The following SLC7A1 variants were observed in gnomAD, a reference collection of about 807,000 sequenced individuals.
The protein encoded by SLC7A1 is high affinity cationic amino acid transporter 1.
SLC7A1 carries 10 observed loss-of-function variants against 53.9 expected under a neutral mutation model. The ratio of observed to expected loss-of-function variants is 0.19; its 90% CI spans 0.11 to 0.31. SLC7A1 has a LOEUF of 0.31. Among genes scored for constraint, SLC7A1 ranks in the 10% least tolerant of loss-of-function variants. SLC7A1 has a pLI of 1.00. For synonymous variants in SLC7A1, 342 were observed against 338.7 expected (o/e 1.01, Z -0.11); for missense variants, 525 against 827.2 (o/e 0.63, Z 4.48).
At chr13:29,515,441 GC>G (rs1409799541) in intron 12 of SLC7A1, among the ~76,000 whole-genome samples, 1 of 152,256 alleles carries the variant, frequency 6.6e-6, no homozygotes, top group Admixed American at 6.5e-5. Context: ...TGGAGGAAAA[GC>G]ACCCCTCGAG....
In SLC7A1 at chr13:29,514,064, T is replaced by A. The variant is rs1345735171; in HGVS notation, c.*416A>T. 5.5e-6 allele frequency: 1 copy of A among 183,426 alleles called. No homozygotes were observed. Among genetic ancestry groups the A allele is most frequent in the Non-Finnish European group, 1.1e-5 (1 of 87,148 alleles). The allele number at this position is 183,426 out of a possible 1,614,324, so 11.4% of individuals were successfully genotyped here. A position where few individuals can be genotyped will look rare whatever the true frequency, so the allele number is the denominator to read the frequency against. ...GGGTGTCTGGGGCTGAGCGGGAAGA[T>A]GGCTGCGAAAGTTTGGAGTATGCAC... On this transcript the variant is annotated 3_prime_UTR_variant, in exon 13 of 13. Coordinates refer to ENST00000380752, the MANE Select transcript of SLC7A1 (RefSeq NM_003045.5).
At chr13:29,586,489 G>T (rs1453864605) in intron 1 of SLC7A1, among the ~76,000 whole-genome samples, 1 of 152,122 alleles carries the variant, frequency 6.6e-6, no homozygotes. Flanking sequence ...GCACCCAGAT[G>T]GTTTCACTTT....
intron 2 of SLC7A1, among the ~76,000 whole-genome samples, chr13:29,546,965 A>C (rs1869947966): frequency 1.3e-5 from 2 of 152,208 alleles, no homozygotes; most frequent in South Asian, 4.1e-4. Flanking sequence ...AAGAGCGCGG[A>C]GTGTAGCTGG....
intron 3 of SLC7A1, among the ~76,000 whole-genome samples, chr13:29,533,388 T>C (rs1869263629): frequency 6.6e-6 from 1 of 152,198 alleles, no homozygotes; most frequent in African/African-American, 2.4e-5. Context: ...AATGCACTCC[T>C]GGGGTGCAGC....
chr13:29,563,347 T>A (rs1870840797), intron 1 of SLC7A1, among the ~76,000 whole-genome samples: 1 of 152,254 alleles, frequency 6.6e-6, no homozygotes, highest in Non-Finnish European at 1.5e-5. Flanking sequence ...GGCAAAATGT[T>A]CTACAAATTT....
intron 9 of SLC7A1, among the ~76,000 whole-genome samples, chr13:29,518,400 A>G (rs998271103): frequency 3.3e-5 from 5 of 152,248 alleles, no homozygotes; most frequent in Non-Finnish European, 7.3e-5. Flanking sequence ...GAGGTGCCTT[A>G]TCTTCCCACC....
In SLC7A1 at chr13:29,514,123, G is replaced by A. The variant is rs867038013; in HGVS notation, c.*357C>T. 2 of 264,622 alleles carry A rather than the reference G, an allele frequency of 7.6e-6. No homozygotes were observed. Among genetic ancestry groups the A allele is most frequent in the East Asian group, 1.7e-4 (2 of 12,016 alleles). The allele number at this position is 264,622 out of a possible 1,614,324, so 16.4% of individuals were successfully genotyped here. On this transcript the variant is annotated 3_prime_UTR_variant, in exon 13 of 13. Coordinates refer to ENST00000380752, the MANE Select transcript of SLC7A1 (RefSeq NM_003045.5). ...TCCCAGAACAGTCCCCGGGAGGAAG[G>A]CCTGGTTCCCAAGATAAGGAGAGAA...
chr13:29,532,168 T>C (rs560053478), intron 4 of SLC7A1, among the ~76,000 whole-genome samples: 1 of 152,342 alleles, frequency 6.6e-6, no homozygotes, highest in Non-Finnish European at 1.5e-5. Context: ...TGAGAATTTA[T>C]CTGCATTTCA....
chr13:29,544,879 G>GT (rs1284123984), intron 2 of SLC7A1, among the ~76,000 whole-genome samples: 1 of 140,912 alleles, frequency 7.1e-6, no homozygotes, highest in African/African-American at 2.6e-5. Flanking sequence ...GGGGGGGGGG[G>GT]CAAGCTCTTC....
At position 29,521,188 on chromosome 13, in the gene SLC7A1, A is replaced by G. The variant is rs993563143; in HGVS notation, c.1189+1129T>C. Among the ~76,000 whole-genome samples the G allele has an allele frequency of 1.3e-5, 2 of 152,250 alleles. 1 individual carries two copies. Among genetic ancestry groups the G allele is most frequent in the South Asian group, 4.1e-4 (2 of 4,834 alleles). On this transcript the variant is annotated intron_variant, in intron 8 of 12. Coordinates refer to ENST00000380752, the MANE Select transcript of SLC7A1 (RefSeq NM_003045.5). ...TCTCAAGAGCATAGAATCACATAAG[A>G]AAATGTTTCATAATTTAAAAATAGG... is the stretch of plus-strand genomic sequence containing the variant.
Position 29,514,072 on chromosome 13 carries a change from A to G in SLC7A1, c.*408T>C. The stretch of plus-strand genomic sequence containing the variant: ...GGGGCTGAGCGGGAAGATGGCTGCG[A>G]AAGTTTGGAGTATGCACAATTTCAA... On this transcript the variant is annotated 3_prime_UTR_variant, in exon 13 of 13. Transcript: ENST00000380752. 5.4e-6 allele frequency: 1 copy of G among 184,856 alleles called. No individual in the cohort carries two copies. The highest frequency in any genetic ancestry group is 1.1e-5 in the Non-Finnish European group (1 of 88,194). 11.5% of individuals were successfully genotyped at this position (184,856 alleles called of 1,614,324 possible).
intron 9 of SLC7A1, among the ~76,000 whole-genome samples, chr13:29,518,946 C>T (rs986372344): frequency 4.3e-4 from 66 of 152,232 alleles, no homozygotes; most frequent in African/African-American, 1.6e-3. Context: ...AACAAGCTGA[C>T]TCCACAGTGT....
chr13:29,531,522 C>T (rs1165972655), intron 4 of SLC7A1, among the ~76,000 whole-genome samples: 1 of 152,160 alleles, frequency 6.6e-6, no homozygotes, highest in African/African-American at 2.4e-5. Context: ...CACTGCTCTG[C>T]CATGGACGCC....
In SLC7A1 at chr13:29,538,198, C is replaced by G. The variant is rs151237564; in HGVS notation, c.-14-1996G>C. On this transcript the variant is annotated intron_variant, in intron 2 of 12. Transcript: ENST00000380752. Reference sequence around the variant, plus strand: ...GAGAGCCAAATGTCAAACAGGGTCACAGGCTCTGCAGGCGCAGTCCTCCTC... The same window carrying G: ...GAGAGCCAAATGTCAAACAGGGTCAGAGGCTCTGCAGGCGCAGTCCTCCTC... Among the ~76,000 whole-genome samples the G allele has an allele frequency of 7.2e-5, 11 of 152,340 alleles. No homozygotes were observed. In the East Asian group the frequency reaches 2.1e-3, roughly 29 times the overall value.
intron 1 of SLC7A1, among the ~76,000 whole-genome samples, chr13:29,557,675 AGGGAGAG>A (rs1870498880): frequency 8.4e-6 from 1 of 118,966 alleles, no homozygotes; most frequent in African/African-American, 3.3e-5. Flanking sequence ...AATGTGAATG[AGGGAGAG>A]TGAATATGAG....
intron 2 of SLC7A1, among the ~76,000 whole-genome samples, chr13:29,537,421 C>G (rs1458782041): frequency 6.6e-6 from 1 of 152,176 alleles, no homozygotes; most frequent in East Asian, 1.9e-4. Flanking sequence ...CTAGGAAAGT[C>G]TGAGAAATGT....
intron 9 of SLC7A1, among the ~76,000 whole-genome samples, chr13:29,518,335 T>C (rs1868456887): frequency 6.6e-6 from 1 of 152,228 alleles, no homozygotes; most frequent in Non-Finnish European, 1.5e-5. Context: ...GGGCCGAGCC[T>C]GCAGCGTGAT....
chr13:29,568,371 C>T (rs1429055051), intron 1 of SLC7A1, among the ~76,000 whole-genome samples: 4 of 152,176 alleles, frequency 2.6e-5, no homozygotes, highest in Non-Finnish European at 4.4e-5. Context: ...GGAGCACCAC[C>T]AAAATTACCT....
At chr13:29,529,797 A>G (rs936160498) in intron 5 of SLC7A1, among the ~76,000 whole-genome samples, 2 of 152,230 alleles carry the variant, frequency 1.3e-5, no homozygotes, top group African/African-American at 4.8e-5. Flanking sequence ...CCCATTGTCC[A>G]TCCTGAGACC....
Sources: allele counts gnomAD v4.1 joint callset (sites outside exome capture counted in the v4.1 genomes callset), GRCh38; gene constraint gnomAD v4.1.1; transcripts MANE v1.5; gene names NCBI Gene and HGNC (gene_info 2026-07-23, HGNC 2026-07-21).